DGKH: variants seen among roughly 807,000 people sequenced by gnomAD.
DGKH encodes DAG kinase eta.
In DGKH, 90 loss-of-function variants were observed where a neutral mutation model predicts 159.3. The ratio of observed to expected loss-of-function variants is 0.57; its 90% CI spans 0.48 to 0.67. DGKH has a LOEUF of 0.67. DGKH is among the 30% of genes least tolerant of loss of function. The probability of loss-of-function intolerance (pLI) is 0.00; values close to 1 mark genes in which losing one functional copy is unlikely to be tolerated. For missense variants in DGKH, 1,181 were observed against 1,506.1 expected (o/e 0.78, Z 3.57); for synonymous variants, 536 against 553.8 (o/e 0.97, Z 0.45).
chr13:42,083,665 G>T (rs77037467), intron 1 of DGKH, among the ~76,000 whole-genome samples: 10 of 152,268 alleles, frequency 6.6e-5, no homozygotes, highest in Non-Finnish European at 8.8e-5. Context: ...GCAACTCGTT[G>T]CTTCTTGAGG....
At chr13:42,124,792 G>T (rs182289542) in intron 1 of DGKH, among the ~76,000 whole-genome samples, 1 of 152,192 alleles carries the variant, frequency 6.6e-6, no homozygotes, top group Non-Finnish European at 1.5e-5. Context: ...ATAGAATGCT[G>T]GCATTAAATC....
At chr13:42,049,224 G>A (rs939960941) in intron 1 of DGKH, among the ~76,000 whole-genome samples, 1 of 151,470 alleles carries the variant, frequency 6.6e-6, no homozygotes, top group Admixed American at 6.6e-5. Flanking sequence ...GGACCGCGGT[G>A]CTGCGGGACG....
At chr13:42,209,280 T>C (rs1957578991) in intron 22 of DGKH, 51 bp from the exon 23 acceptor site, 1 of 1,576,508 alleles carries the variant, frequency 6.3e-7, no homozygotes, top group African/African-American at 1.4e-5. Context: ...AAAGATTGAG[T>C]GTCATTTTCT....
At chr13:42,186,857 A>T (rs1406745755) in intron 13 of DGKH, among the ~76,000 whole-genome samples, 192 bp from the exon 14 acceptor site, 1 of 152,246 alleles carries the variant, frequency 6.6e-6, no homozygotes, top group African/African-American at 2.4e-5. Context: ...TTATTCATGT[A>T]TGCATTTATC....
intron 1 of DGKH, among the ~76,000 whole-genome samples, chr13:42,049,570 G>C (rs982553128): frequency 6.6e-6 from 1 of 152,234 alleles, no homozygotes. Context: ...AAGCCCCGAG[G>C]CAGGCAAGTG....
intron 1 of DGKH, among the ~76,000 whole-genome samples, chr13:42,105,171 C>T (rs182375381): frequency 6.6e-6 from 1 of 152,100 alleles, no homozygotes; most frequent in East Asian, 1.9e-4. Context: ...CTGGGAAGTC[C>T]AGTATCAAGG....
intron 13 of DGKH, among the ~76,000 whole-genome samples, chr13:42,184,715 A>G (rs1051821431): frequency 6.6e-6 from 1 of 151,906 alleles, no homozygotes; most frequent in African/African-American, 2.4e-5. Flanking sequence ...AAATTTTTTT[A>G]AATTAGCTCA....
chr13:42,205,857 T>C (rs775686399), intron 20 of DGKH, among the ~76,000 whole-genome samples, 182 bp from the exon 21 acceptor site: 3 of 152,112 alleles, frequency 2.0e-5, no homozygotes, highest in Non-Finnish European at 4.4e-5. Context: ...TAGTTATTTA[T>C]ACTTCAAACT....
intron 1 of DGKH, among the ~76,000 whole-genome samples, chr13:42,109,220 C>T (rs547173167): frequency 1.2e-4 from 19 of 152,244 alleles, no homozygotes; most frequent in Non-Finnish European, 1.8e-4. Context: ...TACTGAGCAC[C>T]GTGTGTCAGG....
chr13:42,207,019 C>CTTTCTTTCTTTCTTTCTT (rs1957499255), intron 21 of DGKH, among the ~76,000 whole-genome samples: 1 of 140,880 alleles, frequency 7.1e-6, no homozygotes, highest in Non-Finnish European at 1.5e-5. Flanking sequence ...TTCTTTCTTT[C>CTTTCTTTCTTTCTTTCTT]TTTCTTTTTC....
intron 1 of DGKH, among the ~76,000 whole-genome samples, chr13:42,101,589 G>C (rs1192379480): frequency 6.6e-6 from 1 of 152,190 alleles, no homozygotes; most frequent in African/African-American, 2.4e-5. Context: ...TGGGTGGCTT[G>C]AAAGTTTTGT....
intron 29 of DGKH, among the ~76,000 whole-genome samples, chr13:42,249,857 T>G (rs1257472768): frequency 1.3e-5 from 2 of 152,200 alleles, no homozygotes; most frequent in Non-Finnish European, 2.9e-5. Flanking sequence ...TGGGAAGGGG[T>G]TTGGGACACC....
upstream of DGKH, among the ~76,000 whole-genome samples, chr13:42,044,484 T>C (rs1880695154): frequency 1.3e-5 from 2 of 151,954 alleles, no homozygotes; most frequent in Admixed American, 6.6e-5. Flanking sequence ...AGACACGGGG[T>C]TTCACCTTGT....
At chr13:42,165,742 G>GT (rs60338903) in intron 8 of DGKH, among the ~76,000 whole-genome samples, 26,259 of 151,808 alleles carry the variant, frequency 0.17, 2,657 homozygotes, top group Middle Eastern at 0.31. Flanking sequence ...TTTTATAAGT[G>GT]TTTTTTTCCT....
At chr13:42,078,706 C>G (rs2137713124) in intron 1 of DGKH, among the ~76,000 whole-genome samples, 1 of 152,224 alleles carries the variant, frequency 6.6e-6, no homozygotes, top group Non-Finnish European at 1.5e-5. Context: ...TGAAATTCCA[C>G]TTGCCAGAAA....
rs1958428211 is a variant in DGKH, at chr13:42,237,005, G to A, written c.*7817G>A. 6.6e-6 allele frequency: 1 copy of A among 152,194 alleles called. No homozygotes were observed. The highest frequency in any genetic ancestry group is 2.4e-5 in the African/African-American group (1 of 41,450). 9.4% of individuals were successfully genotyped at this position (152,194 alleles called of 1,614,324 possible). On this transcript the variant is annotated 3_prime_UTR_variant, in exon 30 of 30. Transcript: ENST00000337343. Reference sequence around the variant, plus strand: ...AACATATGTTTGCATTTGGTTCTGGGATAGTAACCGTTATGGATAATTGTT... The same window carrying A: ...AACATATGTTTGCATTTGGTTCTGGAATAGTAACCGTTATGGATAATTGTT...
At chr13:42,213,942 T>C (rs900027144) in intron 24 of DGKH, among the ~76,000 whole-genome samples, 9 of 152,216 alleles carry the variant, frequency 5.9e-5, no homozygotes, top group African/African-American at 2.2e-4. Flanking sequence ...TAGACATGGA[T>C]TCCGATCCTG....
At chr13:42,093,010 G>A (rs1361887734) in intron 1 of DGKH, among the ~76,000 whole-genome samples, 1 of 152,070 alleles carries the variant, frequency 6.6e-6, no homozygotes, top group Non-Finnish European at 1.5e-5. Context: ...TTGGGAGGCC[G>A]AGGTGGGCAG....
intron 1 of DGKH, chr13:42,070,275 A>G: frequency 8.2e-7 from 1 of 1,214,016 alleles, no homozygotes; most frequent in South Asian, 1.2e-5. Context: ...TGTGTGGCTC[A>G]GTCATGTGAT....
Sources: gnomAD v4.1 joint callset for allele counts (sites outside exome capture counted in the v4.1 genomes callset) on GRCh38, gnomAD v4.1.1 for gene constraint, MANE v1.5 for transcripts, NCBI Gene and HGNC (gene_info 2026-07-23, HGNC 2026-07-21) for gene names.